Variants in DMBT1 observed in about 807,000 individuals in gnomAD.
DMBT1 encodes the protein deleted in malignant brain tumors 1.
A neutral mutation model predicts 252.9 loss-of-function variants in DMBT1; 198 were observed. The ratio of observed to expected loss-of-function variants is 0.78; its 90% confidence interval spans 0.70 to 0.88. The LOEUF (loss-of-function observed/expected upper bound fraction) is 0.88, where lower values mean the gene tolerates loss of function less well. Among genes scored for constraint, DMBT1 ranks in the 40% least tolerant of loss-of-function variants. The pLI, the probability that DMBT1 is intolerant of heterozygous loss-of-function variation, is 0.00. For synonymous variants in DMBT1, 990 were observed against 942.7 expected (o/e 1.05, Z -0.92); for missense variants, 2,432 against 2,404.7 (o/e 1.01, Z -0.24).
chr10:122,640,161 T>G lies in DMBT1; in HGVS notation c.7064T>G (p.Val2355Gly). 6.2e-7 allele frequency: 1 copy of G among 1,614,026 alleles called. No homozygotes were observed. The highest frequency in any genetic ancestry group is 8.5e-7 in the Non-Finnish European group (1 of 1,179,890). The change falls in exon 55 of 56, where the codon GTC becomes GGC. Residue 2355 changes from valine (V) to glycine (G), a missense_variant. Val to Gly is a moderately radical substitution (Grantham distance 109). This residue lies in a region of DMBT1 where 1,162 missense variants were observed against 1,169.0 expected (regional missense o/e 0.99). Coordinates refer to ENST00000338354, the MANE Select transcript of DMBT1 (RefSeq NM_001377530.1). ...VSCRMLQNTW[V>G]DTMYIANDTI... ...TGCAGAATGCTTCAGAACACCTGGG[T>G]CGACACCATGTACATTGCTAATGAC...
At position 122,631,179 on chromosome 10, in the gene DMBT1, G is replaced by A; in HGVS notation, c.6244G>A (p.Val2082Ile). Reference sequence around the variant, plus strand: ...CTCTGGCCCCATCACCCTGGACGATGTAGAGTGCTCAGGGACGGAATCCAC... The same window carrying A: ...CTCTGGCCCCATCACCCTGGACGATATAGAGTGCTCAGGGACGGAATCCAC... ...SGSGPITLDD[V>I]ECSGTESTLW... The change falls in exon 49 of 56, where the codon GTA becomes ATA. Residue 2082 changes from valine to isoleucine, a missense_variant. Transcript: ENST00000338354. The A allele has an allele frequency of 6.2e-7, 1 of 1,614,032 alleles. No individual in the cohort carries two copies. Among genetic ancestry groups the A allele is most frequent in the Non-Finnish European group, 8.5e-7 (1 of 1,179,908 alleles).
intron 3 of DMBT1, 40 bp from the exon 4 acceptor site, chr10:122,570,850 G>A (rs1435446482): frequency 6.2e-7 from 1 of 1,605,390 alleles, no homozygotes; most frequent in South Asian, 1.1e-5. Context: ...CCCCAAACAA[G>A]GGCTACCATC....
intron 6 of DMBT1, among the ~76,000 whole-genome samples, chr10:122,573,994 T>C (rs2097689690): frequency 6.6e-6 from 1 of 152,144 alleles, no homozygotes; most frequent in African/African-American, 2.4e-5. Flanking sequence ...CAGTGGAGCC[T>C]TTTATTCTGT....
chr10:122,632,966 G>C, intron 51 of DMBT1, 76 bp downstream of exon 51: 2 of 1,598,300 alleles, frequency 1.3e-6, no homozygotes, highest in East Asian at 4.5e-5. Context: ...CAGTGACAAT[G>C]GGGCTGGGGA....
intron 25 of DMBT1, among the ~76,000 whole-genome samples, chr10:122,598,494 C>A (rs188557872): frequency 6.6e-6 from 1 of 152,160 alleles, no homozygotes; most frequent in African/African-American, 2.4e-5. Flanking sequence ...TAGCTCTGTC[C>A]TGTGTGTACC....
At chr10:122,616,858 T>G (rs1591445276) in intron 39 of DMBT1, among the ~76,000 whole-genome samples, 1 of 72,890 alleles carries the variant, frequency 1.4e-5, no homozygotes, top group Non-Finnish European at 2.6e-5. Flanking sequence ...TGATTCCTGA[T>G]TGTCCCCTGG....
Position 122,585,252 on chromosome 10 carries a change from G to T in DMBT1, c.1421-19G>T, listed in dbSNP as rs745764518. 11 of 1,585,544 alleles carry T rather than the reference G, an allele frequency of 6.9e-6. No homozygotes were observed. In the Admixed American group the frequency reaches 1.5e-4, roughly 22 times the overall value. Reference sequence around the variant, plus strand: ...ACCATCAACTTTAATTCTAGCCTTTGTCTCTGTTGCAATTACAGACACGTT... The same window carrying T: ...ACCATCAACTTTAATTCTAGCCTTTTTCTCTGTTGCAATTACAGACACGTT... On this transcript the variant is annotated intron_variant, in intron 14 of 55. Transcript: ENST00000338354.
In DMBT1 at chr10:122,627,381, T is replaced by C. The variant is rs538896915; in HGVS notation, c.5668+1416T>C. On this transcript the variant is annotated intron_variant, in intron 46 of 55. Transcript: ENST00000338354. Reference sequence around the variant, plus strand: ...ACACACACACACACACAGTATGGCATGCTTTATATCCCATTGTATAACCCA... The same window carrying C: ...ACACACACACACACACAGTATGGCACGCTTTATATCCCATTGTATAACCCA... 3.3e-5 allele frequency among the ~76,000 whole-genome samples: 5 copies of C among 152,300 alleles called. No homozygotes were observed. In the South Asian group the frequency reaches 1.0e-3, roughly 32 times the overall value.
At chr10:122,570,655 G>A (rs1385403831) in intron 3 of DMBT1, among the ~76,000 whole-genome samples, 1 of 152,188 alleles carries the variant, frequency 6.6e-6, no homozygotes, top group Non-Finnish European at 1.5e-5. Flanking sequence ...AGAGGCTGTG[G>A]CAGCAGAAGA....
rs758797963 is a variant in DMBT1, at chr10:122,576,480, C to G, written c.365C>G (p.Ser122Cys). 4 of 1,613,978 alleles carry G rather than the reference C, an allele frequency of 2.5e-6. No individual in the cohort carries two copies. In the South Asian group the frequency reaches 4.4e-5, roughly 18 times the overall value. ...CGAGTGGAGATCCTATACCGAGGCT[C>G]CTGGGGCACCGTGTGTGATGACAGC... Reference protein sequence around the residue: ...QGRVEILYRGSWGTVCDDSWD... With the variant: ...QGRVEILYRGCWGTVCDDSWD... The change falls in exon 7 of 56, where the codon TCC becomes TGC. Residue 122 changes from serine (S) to cysteine (C), a missense_variant. Coordinates refer to ENST00000338354, the MANE Select transcript of DMBT1 (RefSeq NM_001377530.1).
intron 42 of DMBT1, among the ~76,000 whole-genome samples, chr10:122,619,965 T>C (rs1050842555): frequency 6.6e-6 from 1 of 152,182 alleles, no homozygotes; most frequent in African/African-American, 2.4e-5. Flanking sequence ...AGCAATGGTG[T>C]CACATGTGCC....
chr10:122,600,132 T>C, intron 27 of DMBT1, 39 bp downstream of exon 27: 1 of 1,599,784 alleles, frequency 6.3e-7, no homozygotes, highest in Non-Finnish European at 8.5e-7. Flanking sequence ...GTCCCTTCTC[T>C]TTCTGCCCAA....
intron 52 of DMBT1, among the ~76,000 whole-genome samples, chr10:122,634,400 CTTTTCTTTCTT>C (rs1457770891): frequency 1.8e-4 from 15 of 84,412 alleles, no homozygotes; most frequent in African/African-American, 6.4e-4. Context: ...TTCTTTCTTT[CTTTTCTTTCTT>C]TCTCTCTCTC....
chr10:122,617,930 A>G, intron 40 of DMBT1, 87 bp from the exon 41 acceptor site: 2 of 1,580,860 alleles, frequency 1.3e-6, no homozygotes, highest in Admixed American at 1.7e-5. Context: ...GACTCTGGCC[A>G]TTAGGAAGTA....
intron 55 of DMBT1, among the ~76,000 whole-genome samples, chr10:122,641,455 A>G (rs980720684): frequency 1.3e-5 from 2 of 152,156 alleles, no homozygotes; most frequent in African/African-American, 4.8e-5. Flanking sequence ...CACCCTCTTG[A>G]TATGCTAAAC....
At chr10:122,626,020 C>A in intron 46 of DMBT1, 55 bp downstream of exon 46, 2 of 1,484,360 alleles carry the variant, frequency 1.3e-6, no homozygotes, top group Non-Finnish European at 1.9e-6. Flanking sequence ...TATCCCCAAG[C>A]TTGGCTATCC....
chr10:122,625,691 C>G (rs913832266), intron 45 of DMBT1, among the ~76,000 whole-genome samples: 1 of 152,186 alleles, frequency 6.6e-6, no homozygotes, highest in African/African-American at 2.4e-5. Flanking sequence ...AGAATACTTT[C>G]ACTTTGAGGG....
rs546807060 is a variant in DMBT1 at position 122,594,177 on chromosome 10, C to T, written c.2531-319C>T. ...CCCTAACATTTTACCTGGCAGTGTC[C>T]GAGCCTCAGCAATGGCGTCTGATGT... On this transcript the variant is annotated intron_variant, in intron 21 of 55. Coordinates refer to ENST00000338354, the MANE Select transcript of DMBT1 (RefSeq NM_001377530.1). Among the ~76,000 whole-genome samples the T allele has an allele frequency of 1.5e-4, 21 of 141,414 alleles. 1 individual carries two copies. Among genetic ancestry groups the T allele is most frequent in the Non-Finnish European group, 2.1e-4 (13 of 62,908 alleles). The allele number at this position is 141,414 out of a possible 152,430, so 92.8% of individuals were successfully genotyped here. A position where few individuals can be genotyped will look rare whatever the true frequency, so the allele number is the denominator to read the frequency against.
At chr10:122,579,469 G>C (rs989975131) in intron 9 of DMBT1, 109 bp from the exon 10 acceptor site, 20 of 1,578,420 alleles carry the variant, frequency 1.3e-5, no homozygotes, top group Admixed American at 1.7e-5. Flanking sequence ...AAAGGTGACT[G>C]CCTGCCTAGG....
Sources: gnomAD v4.1 joint callset for allele counts (sites outside exome capture counted in the v4.1 genomes callset) on GRCh38, gnomAD v4.1.1 for gene constraint, gnomAD v4.1.1 regional missense constraint, MANE v1.5 for transcripts, NCBI Gene and HGNC (gene_info 2026-07-23, HGNC 2026-07-21) for gene names.